Variants in IPCEF1 observed in about 807,000 individuals in gnomAD.
IPCEF1 encodes the protein interactor protein for cytohesin exchange factors 1.
IPCEF1 carries 31 observed loss-of-function variants against 50.9 expected under a neutral mutation model. That is an observed-to-expected ratio of 0.61 (90% CI 0.46 to 0.82). IPCEF1 has a LOEUF of 0.82. IPCEF1 is among the 40% of genes least tolerant of loss of function. The pLI, the probability that IPCEF1 is intolerant of heterozygous loss-of-function variation, is 0.00. For synonymous variants in IPCEF1, 181 were observed against 192.0 expected (o/e 0.94, Z 0.47); for missense variants, 458 against 514.0 (o/e 0.89, Z 1.05).
At chr6:154,223,144 T>C in intron 6 of IPCEF1, 26 bp downstream of exon 6, 1 of 1,574,424 alleles carries the variant, frequency 6.4e-7, no homozygotes, top group East Asian at 2.2e-5. Context: ...GGCTCAGAGT[T>C]TTGTGGAAGA....
At chr6:154,277,650 T>A (rs753144621) in intron 2 of IPCEF1, among the ~76,000 whole-genome samples, 2 of 152,230 alleles carry the variant, frequency 1.3e-5, no homozygotes, top group African/African-American at 2.4e-5. Context: ...GTTGTTGTTG[T>A]TGTTCATTAG....
intron 1 of IPCEF1, among the ~76,000 whole-genome samples, chr6:154,314,711 A>T (rs1238947770): frequency 6.6e-6 from 1 of 152,184 alleles, no homozygotes; most frequent in Non-Finnish European, 1.5e-5. Context: ...CACTCTAAAT[A>T]GCTCTTAGTT....
At chr6:154,197,111 C>G (rs1326413246) in intron 10 of IPCEF1, among the ~76,000 whole-genome samples, 1 of 152,096 alleles carries the variant, frequency 6.6e-6, no homozygotes, top group Non-Finnish European at 1.5e-5. Context: ...AATCCTAGCT[C>G]TCATTTTGAA....
intron 5 of IPCEF1, among the ~76,000 whole-genome samples, chr6:154,229,351 T>A (rs1273008905): frequency 1.4e-5 from 2 of 146,828 alleles, no homozygotes; most frequent in African/African-American, 5.1e-5. Context: ...TGCCGGTTTT[T>A]TTTTTTTTTT....
At chr6:154,345,477 A>G (rs2499646) in intron 1 of IPCEF1, among the ~76,000 whole-genome samples, 84,471 of 151,958 alleles carry the variant, frequency 0.56, 24,272 homozygotes, top group Non-Finnish European at 0.64. Context: ...CGAAGCACCA[A>G]TATAAGATCG....
At position 154,185,515 on chromosome 6, in the gene IPCEF1, G is replaced by A. The variant is rs1297401459; in HGVS notation, c.910+14153C>T. On this transcript the variant is annotated intron_variant, in intron 10 of 11. Coordinates refer to ENST00000367220, the MANE Select transcript of IPCEF1 (RefSeq NM_001130700.2). ...GGTTAAAGGTCTAGTTTGTATGGCT[G>A]ATATAATACATGCTATGTAAATAAA... Among the ~76,000 whole-genome samples, 5 of 152,154 alleles carry A rather than the reference G, an allele frequency of 3.3e-5. No homozygotes were observed. In the South Asian group the frequency reaches 8.3e-4, roughly 25 times the overall value.
intron 7 of IPCEF1, among the ~76,000 whole-genome samples, chr6:154,216,585 G>A (rs1170617322): frequency 3.9e-5 from 6 of 152,150 alleles, no homozygotes; most frequent in African/African-American, 1.4e-4. Context: ...TGTTTAAAGT[G>A]ATGGCCGGGC....
At chr6:154,166,088 A>T (rs764422937) in intron 11 of IPCEF1, among the ~76,000 whole-genome samples, 1 of 152,232 alleles carries the variant, frequency 6.6e-6, no homozygotes, top group Non-Finnish European at 1.5e-5. Context: ...AGCAAGCCAC[A>T]CCCAGATTCC....
chr6:154,294,108 C>T (rs1357197721), intron 1 of IPCEF1, among the ~76,000 whole-genome samples: 2 of 152,274 alleles, frequency 1.3e-5, no homozygotes, highest in South Asian at 2.1e-4. Context: ...TATTAACCTC[C>T]TAATTGTTAT....
At chr6:154,182,405 G>A (rs1042926859) in intron 10 of IPCEF1, among the ~76,000 whole-genome samples, 1 of 152,178 alleles carries the variant, frequency 6.6e-6, no homozygotes, top group Middle Eastern at 3.4e-3. Context: ...TGAGGCAATC[G>A]TTTTCTGAAA....
At chr6:154,264,634 A>G (rs920445645) in intron 3 of IPCEF1, among the ~76,000 whole-genome samples, 1 of 152,168 alleles carries the variant, frequency 6.6e-6, no homozygotes, top group African/African-American at 2.4e-5. Context: ...TCGGCCTGCC[A>G]AAGTGCTGGG....
rs1031492489 is a variant in IPCEF1, at chr6:154,247,499, AG to A, written c.37-12del. On this transcript the variant is annotated splice_polypyrimidine_tract_variant and intron_variant, in intron 3 of 11. Transcript: ENST00000367220. ...ACGCAAGGGAACCTGCTGAAAATGC[AG>A]GAAGGAAAGAAAAGAGGAAATTTCT... 6.2e-7 allele frequency: 1 copy of A among 1,610,312 alleles called. No individual in the cohort carries two copies. Among genetic ancestry groups the A allele is most frequent in the Non-Finnish European group, 8.5e-7 (1 of 1,177,196 alleles).
intron 10 of IPCEF1, among the ~76,000 whole-genome samples, chr6:154,196,094 T>C (rs1476706052): frequency 6.6e-5 from 10 of 152,120 alleles, no homozygotes; most frequent in Non-Finnish European, 1.5e-5. Context: ...CCAGTCCCCC[T>C]GGTTCACATT....
chr6:154,215,554 C>T (rs536591364), intron 7 of IPCEF1, among the ~76,000 whole-genome samples: 3 of 151,944 alleles, frequency 2.0e-5, no homozygotes, highest in East Asian at 3.9e-4. Flanking sequence ...TGCAATGAGC[C>T]GAGATCATGC....
chr6:154,163,048 C>T (rs1470850972), intron 11 of IPCEF1, among the ~76,000 whole-genome samples: 1 of 152,194 alleles, frequency 6.6e-6, no homozygotes, highest in Middle Eastern at 3.2e-3. Context: ...ACACCCAATC[C>T]ACCAGCAAAG....
chr6:154,195,390 G>A (rs1024070772), intron 10 of IPCEF1, among the ~76,000 whole-genome samples: 12 of 151,932 alleles, frequency 7.9e-5, no homozygotes, highest in Admixed American at 2.0e-4. Flanking sequence ...CTTGTGATCC[G>A]CCCACCTCGG....
chr6:154,329,973 T>C (rs532118557), intron 1 of IPCEF1: 1 of 152,538 alleles, frequency 6.6e-6, no homozygotes, highest in African/African-American at 2.4e-5. Context: ...TCTTACTAGT[T>C]TGTAGCTAAC....
At chr6:154,354,647 T>G (rs910273267) in intron 1 of IPCEF1, among the ~76,000 whole-genome samples, 1 of 149,180 alleles carries the variant, frequency 6.7e-6, no homozygotes, top group Admixed American at 6.7e-5. Context: ...ACCCCCTTTA[T>G]CTCCACCTCC....
At chr6:154,180,770 A>T (rs1330000091) in intron 10 of IPCEF1, among the ~76,000 whole-genome samples, 2 of 152,202 alleles carry the variant, frequency 1.3e-5, no homozygotes. Flanking sequence ...CAGGAGGGGA[A>T]TTCATATGCC....
Sources: gnomAD v4.1 joint callset for allele counts (sites outside exome capture counted in the v4.1 genomes callset) on GRCh38, gnomAD v4.1.1 for gene constraint, MANE v1.5 for transcripts, NCBI Gene and HGNC (gene_info 2026-07-23, HGNC 2026-07-21) for gene names.